The following AUH variants were observed in gnomAD, a reference collection of about 807,000 sequenced individuals.
AUH encodes the protein methylglutaconyl-CoA hydratase, mitochondrial.
Under a neutral mutation model 42.3 loss-of-function variants are expected in AUH, and 29 were observed. The ratio of observed to expected loss-of-function variants is 0.69; its 90% confidence interval spans 0.51 to 0.93. The LOEUF (loss-of-function observed/expected upper bound fraction) is 0.93, where lower values mean the gene tolerates loss of function less well. Ranked by LOEUF, AUH falls within the 40% of genes least tolerant of loss-of-function variation. The probability of loss-of-function intolerance (pLI) is 0.00; values close to 1 mark genes in which losing one functional copy is unlikely to be tolerated. For missense variants in AUH, 452 were observed against 438.1 expected (o/e 1.03, Z -0.28); for synonymous variants, 174 against 166.4 (o/e 1.05, Z -0.35).
At chr9:91,333,498 TAAC>T (rs1167201337) in intron 3 of AUH, among the ~76,000 whole-genome samples, 1 of 152,232 alleles carries the variant, frequency 6.6e-6, no homozygotes, top group African/African-American at 2.4e-5. Flanking sequence ...TCAAATTTGA[TAAC>T]TATTAAATAC....
intron 6 of AUH, among the ~76,000 whole-genome samples, chr9:91,270,147 G>C (rs547599280): frequency 6.6e-6 from 1 of 152,324 alleles, no homozygotes; most frequent in East Asian, 1.9e-4. Context: ...GTTAGCATAA[G>C]GAAAGGGGAT....
At chr9:91,270,403 G>C (rs1380327810) in intron 6 of AUH, among the ~76,000 whole-genome samples, 1 of 152,198 alleles carries the variant, frequency 6.6e-6, no homozygotes, top group African/African-American at 2.4e-5. Context: ...AGTGGGAACA[G>C]CCCTGTGCTT....
chr9:91,260,137 G>T (rs996678712), intron 6 of AUH, among the ~76,000 whole-genome samples: 1 of 152,066 alleles, frequency 6.6e-6, no homozygotes, highest in Non-Finnish European at 1.5e-5. Context: ...TTTGTCTGGT[G>T]TTAACATAGC....
At chr9:91,293,698 T>C (rs1035891538) in intron 6 of AUH, among the ~76,000 whole-genome samples, 1 of 152,258 alleles carries the variant, frequency 6.6e-6, no homozygotes, top group Non-Finnish European at 1.5e-5. Flanking sequence ...CGTGCTGATG[T>C]AGAAGCTGCA....
At chr9:91,274,519 A>C (rs1825397991) in intron 6 of AUH, among the ~76,000 whole-genome samples, 1 of 152,210 alleles carries the variant, frequency 6.6e-6, no homozygotes. Flanking sequence ...TACAGTACTT[A>C]TTTTCTGTTG....
At chr9:91,353,605 C>T (rs902502607) in intron 3 of AUH, among the ~76,000 whole-genome samples, 5 of 151,490 alleles carry the variant, frequency 3.3e-5, no homozygotes, top group African/African-American at 9.7e-5. Context: ...TTTGGGAGGC[C>T]GAGGTGAGCG....
In AUH at chr9:91,296,096, A is replaced by G; in HGVS notation, c.599-19T>C. The G allele has an allele frequency of 6.2e-7, 1 of 1,612,708 alleles. No individual in the cohort carries two copies. Among genetic ancestry groups the G allele is most frequent in the Non-Finnish European group, 8.5e-7 (1 of 1,178,912 alleles). On this transcript the variant is annotated intron_variant, in intron 5 of 9. Coordinates refer to ENST00000375731, the MANE Select transcript of AUH (RefSeq NM_001698.3). ...GAGGAAGCTAAAACGAAAGAAAGAA[A>G]ATTAAGTATCATCCATATCATCACA...
chr9:91,354,184 A>T (rs1587926880), intron 3 of AUH, among the ~76,000 whole-genome samples: 1 of 152,180 alleles, frequency 6.6e-6, no homozygotes, highest in East Asian at 1.9e-4. Flanking sequence ...AAAAAACAAG[A>T]AAGGAAAACC....
chr9:91,324,667 T>C (rs1276042858), intron 4 of AUH, among the ~76,000 whole-genome samples: 7 of 147,372 alleles, frequency 4.7e-5, no homozygotes, highest in African/African-American at 7.5e-5. Context: ...ACTTCAAAAA[T>C]AGCAACATTA....
At chr9:91,305,719 T>C (rs1828162588) in intron 4 of AUH, among the ~76,000 whole-genome samples, 2 of 152,226 alleles carry the variant, frequency 1.3e-5, no homozygotes, top group South Asian at 4.1e-4. Context: ...CTTAAACTTC[T>C]ATCAGCCTTA....
rs186772966 is a variant in AUH, at chr9:91,318,952, G to A, written c.505+6366C>T. ...ATTTTGGCTTCTTTCTACAAGCGGC[G>A]AGAAGTTGGACCCTCTTTTGGTTAC... On this transcript the variant is annotated intron_variant, in intron 4 of 9. Coordinates refer to ENST00000375731, the MANE Select transcript of AUH (RefSeq NM_001698.3). 2.2e-3 allele frequency among the ~76,000 whole-genome samples: 342 copies of A among 152,304 alleles called. 1 individual carries two copies. The highest frequency in any genetic ancestry group is 6.9e-3 in the African/African-American group (285 of 41,564).
intron 6 of AUH, among the ~76,000 whole-genome samples, chr9:91,228,917 G>A (rs903644482): frequency 2.0e-5 from 3 of 152,218 alleles, no homozygotes; most frequent in African/African-American, 7.2e-5. Context: ...TGGTCTGAGA[G>A]ACAGTTTGTT....
At chr9:91,258,052 G>A (rs1011240009) in intron 6 of AUH, among the ~76,000 whole-genome samples, 2 of 152,032 alleles carry the variant, frequency 1.3e-5, no homozygotes, top group East Asian at 3.9e-4. Context: ...ACTTTGCAAT[G>A]GTCATTGCTA....
chr9:91,355,612 AT>A (rs1204785032), intron 3 of AUH, among the ~76,000 whole-genome samples: 1 of 152,170 alleles, frequency 6.6e-6, no homozygotes, highest in Non-Finnish European at 1.5e-5. Context: ...AACAAACAAC[AT>A]TGTACTACAT....
chr9:91,226,398 G>A (rs1368570143), intron 6 of AUH, among the ~76,000 whole-genome samples: 2 of 146,638 alleles, frequency 1.4e-5, no homozygotes, highest in Admixed American at 6.8e-5. Flanking sequence ...TGATGGGGTT[G>A]TTTGTTTTTT....
chr9:91,298,661 A>G (rs1285866069), intron 4 of AUH, among the ~76,000 whole-genome samples: 3 of 152,240 alleles, frequency 2.0e-5, no homozygotes, highest in African/African-American at 7.2e-5. Context: ...AGATGCCCTG[A>G]GAACCTGCTC....
chr9:91,352,255 A>G lies in AUH; in HGVS notation c.418+3628T>C, dbSNP rs577036500. On this transcript the variant is annotated intron_variant, in intron 3 of 9. Coordinates refer to ENST00000375731, the MANE Select transcript of AUH (RefSeq NM_001698.3). ...ACACCATTGCACTCCTGCATGGGTG[A>G]CAGGGAGACCCCGTCTCAAAAAAAT... Among the ~76,000 whole-genome samples the G allele has an allele frequency of 7.2e-5, 11 of 152,274 alleles. No homozygotes were observed. In the South Asian group the frequency reaches 2.1e-3, roughly 29 times the overall value.
intron 6 of AUH, among the ~76,000 whole-genome samples, chr9:91,251,763 G>T (rs1053229488): frequency 5.3e-5 from 8 of 152,102 alleles, no homozygotes; most frequent in African/African-American, 1.9e-4. Context: ...ATCAAGCAAA[G>T]AATAATTCAC....
chr9:91,335,105 C>T (rs1478870121), intron 3 of AUH, among the ~76,000 whole-genome samples: 1 of 152,156 alleles, frequency 6.6e-6, no homozygotes, highest in Non-Finnish European at 1.5e-5. Flanking sequence ...AAAAGACTCT[C>T]TTTTTCTATT....
Sources: allele counts gnomAD v4.1 joint callset (sites outside exome capture counted in the v4.1 genomes callset), GRCh38; gene constraint gnomAD v4.1.1; transcripts MANE v1.5; gene names NCBI Gene and HGNC (gene_info 2026-07-23, HGNC 2026-07-21).